Variants in PDE7B observed in about 807,000 individuals in gnomAD.
PDE7B encodes the protein 3',5'-cyclic-AMP phosphodiesterase 7B.
Under a neutral mutation model 56.2 loss-of-function variants are expected in PDE7B, and 29 were observed. That is an observed-to-expected ratio of 0.52 (90% CI 0.38 to 0.70). The LOEUF (loss-of-function observed/expected upper bound fraction) is 0.70, where lower values mean the gene tolerates loss of function less well. Among genes scored for constraint, PDE7B ranks in the 30% least tolerant of loss-of-function variants. The pLI, the probability that PDE7B is intolerant of heterozygous loss-of-function variation, is 0.00. For missense variants in PDE7B, 490 were observed against 565.0 expected, an observed-to-expected ratio of 0.87 and a Z score of 1.35; for synonymous variants, 197 against 196.9, an observed-to-expected ratio of 1.00 and a Z score of 0.00.
intron 3 of PDE7B, among the ~76,000 whole-genome samples, chr6:136,122,303 A>C (rs1182008648): frequency 6.6e-6 from 1 of 152,158 alleles, no homozygotes; most frequent in Non-Finnish European, 1.5e-5. Flanking sequence ...CTATAATTTA[A>C]TCTTTTTTAA....
At chr6:136,172,305 T>C (rs1241436327) in intron 8 of PDE7B, among the ~76,000 whole-genome samples, 1 of 152,174 alleles carries the variant, frequency 6.6e-6, no homozygotes, top group East Asian at 1.9e-4. Context: ...ACCTGTTGTT[T>C]CCTGACTTTT....
At chr6:135,932,326 C>T (rs1489384774) in intron 1 of PDE7B, among the ~76,000 whole-genome samples, 3 of 151,982 alleles carry the variant, frequency 2.0e-5, no homozygotes, top group South Asian at 2.1e-4. Flanking sequence ...GTTTGCAACT[C>T]AATAGATAAA....
chr6:135,912,451 G>A (rs11751960), intron 1 of PDE7B, among the ~76,000 whole-genome samples: 41 of 152,128 alleles, frequency 2.7e-4, no homozygotes, highest in Non-Finnish European at 2.9e-5. Flanking sequence ...CAAATACTAT[G>A]CCATTTTATA....
At chr6:135,856,311 G>A (rs1775025531) in intron 1 of PDE7B, among the ~76,000 whole-genome samples, 9 of 152,122 alleles carry the variant, frequency 5.9e-5, no homozygotes, top group Admixed American at 5.9e-4. Context: ...AAAGCAAAGA[G>A]GCATGCTTTG....
chr6:135,961,490 A>T (rs1243385882), intron 2 of PDE7B, among the ~76,000 whole-genome samples: 1 of 152,172 alleles, frequency 6.6e-6, no homozygotes, highest in African/African-American at 2.4e-5. Context: ...AATAGCCTGT[A>T]ATGAAGATCA....
rs116746297 is a variant in PDE7B, at chr6:135,949,487, T to A, written c.82+1963T>A. On this transcript the variant is annotated intron_variant, in intron 2 of 12. Transcript: ENST00000308191. Reference sequence around the variant, plus strand: ...TTGCACAAAATTCTAAAATTAGAAATGCATTTATATAAATCAGTTTTATGT... The same window carrying A: ...TTGCACAAAATTCTAAAATTAGAAAAGCATTTATATAAATCAGTTTTATGT... Among the ~76,000 whole-genome samples the A allele has an allele frequency of 5.6e-3, 858 of 152,206 alleles. 7 individuals are homozygous for A. The highest frequency in any genetic ancestry group is 0.02 in the African/African-American group (811 of 41,580).
chr6:135,901,519 G>T (rs1224183949), intron 1 of PDE7B, among the ~76,000 whole-genome samples: 2 of 152,116 alleles, frequency 1.3e-5, no homozygotes, highest in Non-Finnish European at 2.9e-5. Flanking sequence ...TGAAAGGGGT[G>T]GGAGCTGAGA....
chr6:136,010,385 C>T (rs1035040598), intron 2 of PDE7B, among the ~76,000 whole-genome samples: 1 of 147,892 alleles, frequency 6.8e-6, no homozygotes, highest in East Asian at 1.9e-4. Flanking sequence ...CCCATTATTC[C>T]CTTCTTTTTT....
At chr6:136,006,571 C>T (rs1775788908) in intron 2 of PDE7B, among the ~76,000 whole-genome samples, 1 of 151,908 alleles carries the variant, frequency 6.6e-6, no homozygotes, top group Non-Finnish European at 1.5e-5. Flanking sequence ...ATTTGTTTGT[C>T]ATATCTAGTT....
rs1407531438 is a variant in PDE7B at position 136,193,037 on chromosome 6, C to T, written c.*1197C>T. On this transcript the variant is annotated 3_prime_UTR_variant, in exon 13 of 13. Transcript: ENST00000308191. The stretch of plus-strand genomic sequence containing the variant: ...TCCTCAGATTAATGAGACCCTTCAA[C>T]AAGCCTGAATCAGTCACTTTTCAAC... The T allele has an allele frequency of 6.6e-6, 1 of 152,610 alleles. No homozygotes were observed. 9.5% of individuals were successfully genotyped at this position (152,610 alleles called of 1,614,324 possible).
chr6:136,086,881 G>C (rs911323527), intron 2 of PDE7B, among the ~76,000 whole-genome samples: 1 of 152,194 alleles, frequency 6.6e-6, no homozygotes, highest in African/African-American at 2.4e-5. Context: ...AGAATATTGA[G>C]AAGCCAGCTG....
intron 1 of PDE7B, among the ~76,000 whole-genome samples, chr6:135,923,295 A>G (rs1774124207): frequency 6.6e-6 from 1 of 152,242 alleles, no homozygotes. Context: ...AAGAAGATGC[A>G]TGACTTGCCT....
At chr6:135,995,003 T>TC (rs1315174828) in intron 2 of PDE7B, among the ~76,000 whole-genome samples, 1 of 152,138 alleles carries the variant, frequency 6.6e-6, no homozygotes, top group Non-Finnish European at 1.5e-5. Flanking sequence ...AGCACTGGCT[T>TC]CCCCATAATC....
At chr6:136,176,591 A>G (rs1778981130) in intron 9 of PDE7B, among the ~76,000 whole-genome samples, 1 of 152,148 alleles carries the variant, frequency 6.6e-6, no homozygotes, top group African/African-American at 2.4e-5. Flanking sequence ...ACAATAGAAT[A>G]CGCATCCTTG....
chr6:136,035,372 A>C (rs1776309185), intron 2 of PDE7B: 1 of 152,226 alleles, frequency 6.6e-6, no homozygotes, highest in Non-Finnish European at 1.5e-5. Flanking sequence ...GATAATTCAC[A>C]TGGTAGAGAG....
At chr6:136,073,999 G>A (rs567663910) in intron 2 of PDE7B, among the ~76,000 whole-genome samples, 10 of 152,130 alleles carry the variant, frequency 6.6e-5, no homozygotes, top group South Asian at 4.2e-4. Context: ...TGCCTATCTC[G>A]TTCCTATGAC....
At chr6:136,113,943 A>G (rs1583888222) in intron 3 of PDE7B, among the ~76,000 whole-genome samples, 1 of 152,326 alleles carries the variant, frequency 6.6e-6, no homozygotes, top group East Asian at 1.9e-4. Context: ...TGATTTCCAC[A>G]CCGGCTCAGC....
chr6:136,016,080 C>T (rs992162359), intron 2 of PDE7B, among the ~76,000 whole-genome samples: 6 of 152,110 alleles, frequency 3.9e-5, no homozygotes, highest in Admixed American at 3.3e-4. Flanking sequence ...TTATAATTTA[C>T]TCTTACAGGA....
chr6:135,921,565 T>C (rs1458786327), intron 1 of PDE7B, among the ~76,000 whole-genome samples: 1 of 152,136 alleles, frequency 6.6e-6, no homozygotes, highest in Admixed American at 6.6e-5. Context: ...ATCTGGACAT[T>C]CTGAAGATTT....
Sources: allele counts gnomAD v4.1 joint callset (sites outside exome capture counted in the v4.1 genomes callset), GRCh38; gene constraint gnomAD v4.1.1; transcripts MANE v1.5; gene names NCBI Gene and HGNC (gene_info 2026-07-23, HGNC 2026-07-21).